The following CENPP variants were observed in gnomAD, a reference collection of about 807,000 sequenced individuals.
CENPP encodes the protein centromere protein P.
A neutral mutation model predicts 35.6 loss-of-function variants in CENPP; 24 were observed. That is an observed-to-expected ratio of 0.67 (90% CI 0.49 to 0.95). The LOEUF is 0.95. CENPP is among the 40% of genes least tolerant of loss of function. CENPP has a pLI of 0.00. For missense variants in CENPP, 332 were observed against 345.3 expected (o/e 0.96, Z 0.31); for synonymous variants, 120 against 125.5 (o/e 0.96, Z 0.29).
At chr9:92,499,927 T>A (rs1226099696) in intron 5 of CENPP, among the ~76,000 whole-genome samples, 1 of 152,156 alleles carries the variant, frequency 6.6e-6, no homozygotes, top group East Asian at 1.9e-4. Context: ...GAGTGATGAT[T>A]CAGTATATAA....
At chr9:92,436,525 G>A (rs1034251414) in intron 5 of CENPP, among the ~76,000 whole-genome samples, 1 of 152,154 alleles carries the variant, frequency 6.6e-6, no homozygotes, top group South Asian at 2.1e-4. Flanking sequence ...TTTTCTAAAA[G>A]TATAGCTTGA....
chr9:92,585,173 G>A (rs1443819502), intron 5 of CENPP, among the ~76,000 whole-genome samples: 1 of 152,230 alleles, frequency 6.6e-6, no homozygotes, highest in Non-Finnish European at 1.5e-5. Context: ...GGACTGGGCT[G>A]TAATATTAGA....
rs575245908 is a variant in CENPP, at chr9:92,335,589, T to G, written c.290-1952T>G. On this transcript the variant is annotated intron_variant, in intron 2 of 7. Coordinates refer to ENST00000375587, the MANE Select transcript of CENPP (RefSeq NM_001012267.3). ...AGTCAGTGTCTAGATTCTTTTTTTTTTTTGTTTTGCATATGGATGTTCAGT... is the reference window on the plus strand; with the variant it reads ...AGTCAGTGTCTAGATTCTTTTTTTTGTTTGTTTTGCATATGGATGTTCAGT... Among the ~76,000 whole-genome samples, 122 of 152,012 alleles carry G rather than the reference T, an allele frequency of 8.0e-4. 1 individual carries two copies. Among genetic ancestry groups the G allele is most frequent in the African/African-American group, 2.1e-3 (88 of 41,362 alleles).
At chr9:92,552,243 A>G (rs1329371058) in intron 5 of CENPP, among the ~76,000 whole-genome samples, 1 of 151,004 alleles carries the variant, frequency 6.6e-6, no homozygotes, top group Non-Finnish European at 1.5e-5. Context: ...CCACTTGTTG[A>G]TTGATGGGCA....
chr9:92,575,433 A>G (rs1850257206), intron 5 of CENPP, among the ~76,000 whole-genome samples: 1 of 152,214 alleles, frequency 6.6e-6, no homozygotes, highest in South Asian at 2.1e-4. Flanking sequence ...ATGGCCATTA[A>G]GTACATGAAG....
intron 5 of CENPP, among the ~76,000 whole-genome samples, chr9:92,446,290 C>A (rs1844550456): frequency 6.6e-6 from 1 of 152,132 alleles, no homozygotes; most frequent in Non-Finnish European, 1.5e-5. Flanking sequence ...TTTATTATTT[C>A]TCCAAGAGAG....
At chr9:92,563,976 G>A (rs1309250148) in intron 5 of CENPP, among the ~76,000 whole-genome samples, 2 of 152,124 alleles carry the variant, frequency 1.3e-5, no homozygotes, top group Non-Finnish European at 2.9e-5. Context: ...ATTTCTTTGT[G>A]TATTTATTTA....
intron 5 of CENPP, among the ~76,000 whole-genome samples, chr9:92,543,859 A>G (rs953960579): frequency 6.6e-6 from 1 of 152,158 alleles, no homozygotes; most frequent in Admixed American, 6.5e-5. Context: ...TATACAGAAA[A>G]GCTACTGATT....
chr9:92,475,885 A>C (rs1192323931), intron 5 of CENPP, among the ~76,000 whole-genome samples: 1 of 152,184 alleles, frequency 6.6e-6, no homozygotes, highest in Non-Finnish European at 1.5e-5. Flanking sequence ...TGCATTTTTA[A>C]AATGCACACA....
At chr9:92,516,876 C>T (rs1847759454) in intron 5 of CENPP, 1 of 152,152 alleles carries the variant, frequency 6.6e-6, no homozygotes, top group Non-Finnish European at 1.5e-5. Context: ...TTGTAGACAC[C>T]TACCCTGTGA....
intron 5 of CENPP, among the ~76,000 whole-genome samples, chr9:92,455,986 G>A (rs544316113): frequency 2.6e-5 from 4 of 152,222 alleles, no homozygotes; most frequent in East Asian, 1.9e-4. Flanking sequence ...CAGGAGAATC[G>A]CTTGAACCCA....
intron 5 of CENPP, among the ~76,000 whole-genome samples, chr9:92,406,050 A>G (rs760801298): frequency 2.6e-5 from 4 of 152,166 alleles, no homozygotes; most frequent in Non-Finnish European, 5.9e-5. Context: ...ACCTGGGAGA[A>G]GCCACAAACT....
intron 1 of CENPP, among the ~76,000 whole-genome samples, chr9:92,329,723 T>TTG (rs113846007): frequency 0.011 from 1,693 of 150,968 alleles, 15 homozygotes; most frequent in Middle Eastern, 0.017. Context: ...CCAGATAATT[T>TTG]TGTGTGTGTG....
intron 5 of CENPP, among the ~76,000 whole-genome samples, chr9:92,393,658 A>T (rs1316253231): frequency 6.6e-6 from 1 of 152,224 alleles, no homozygotes; most frequent in Admixed American, 6.5e-5. Flanking sequence ...TGAAAATTAG[A>T]GTAATCGTAG....
chr9:92,552,415 T>A (rs1849636107), intron 5 of CENPP, among the ~76,000 whole-genome samples: 1 of 152,226 alleles, frequency 6.6e-6, no homozygotes, highest in South Asian at 2.1e-4. Context: ...TTAAGGAATC[T>A]CTACACTGTT....
chr9:92,350,382 AT>A (rs1027835074), intron 4 of CENPP, among the ~76,000 whole-genome samples: 1 of 152,260 alleles, frequency 6.6e-6, no homozygotes, highest in Non-Finnish European at 1.5e-5. Context: ...TTCTTTCTAT[AT>A]GGAAAACTCT....
chr9:92,470,261 CAG>C (rs1845463291), intron 5 of CENPP, among the ~76,000 whole-genome samples: 1 of 152,182 alleles, frequency 6.6e-6, no homozygotes, highest in East Asian at 1.9e-4. Context: ...ATTAATCAAT[CAG>C]ATATATTCTG....
intron 5 of CENPP, among the ~76,000 whole-genome samples, chr9:92,427,883 G>T (rs190302959): frequency 1.9e-3 from 295 of 152,330 alleles, no homozygotes; most frequent in African/African-American, 6.8e-3. Context: ...TATCAGAGTG[G>T]TGACAGGCCA....
At chr9:92,588,913 G>C (rs1349600403) in intron 5 of CENPP, among the ~76,000 whole-genome samples, 1 of 152,116 alleles carries the variant, frequency 6.6e-6, no homozygotes, top group Non-Finnish European at 1.5e-5. Flanking sequence ...GCCCATGAGA[G>C]GTGAATGTAT....
Sources: allele counts gnomAD v4.1 joint callset (sites outside exome capture counted in the v4.1 genomes callset), GRCh38; gene constraint gnomAD v4.1.1; transcripts MANE v1.5; gene names NCBI Gene and HGNC (gene_info 2026-07-23, HGNC 2026-07-21).